RBFOX3: variants seen among roughly 807,000 people sequenced by gnomAD.
RBFOX3 encodes RNA binding protein fox-1 homolog 3.
In RBFOX3, 17 loss-of-function variants were observed where a neutral mutation model predicts 48.7. The observed-to-expected ratio is 0.35, with a 90% confidence interval of 0.24 to 0.52. RBFOX3 has a LOEUF of 0.52. Among genes scored for constraint, RBFOX3 ranks in the 20% least tolerant of loss-of-function variants. The pLI is 0.94. For synonymous variants in RBFOX3, 212 were observed against 209.5 expected, an observed-to-expected ratio of 1.01 and a Z score of -0.10; for missense variants, 382 against 497.5, an observed-to-expected ratio of 0.77 and a Z score of 2.21.
chr17:79,218,664 C>G (rs2059358716), intron 4 of RBFOX3, among the ~76,000 whole-genome samples: 1 of 152,122 alleles, frequency 6.6e-6, no homozygotes, highest in East Asian at 1.9e-4. Context: ...GGCCGGGAGC[C>G]GAGATGCAGG....
chr17:79,290,182 A>C (rs563079832), intron 3 of RBFOX3, among the ~76,000 whole-genome samples: 1 of 152,116 alleles, frequency 6.6e-6, no homozygotes, highest in Middle Eastern at 3.4e-3. Flanking sequence ...TGGAAGGGGA[A>C]CCTTCTCAAG....
rs200918742 is a variant in RBFOX3, at chr17:79,471,630, T to G, written c.-175+10824A>C. On this transcript the variant is annotated intron_variant, in intron 2 of 14. Transcript: ENST00000693108. The surrounding 1 kb of genome is among the most constrained non-coding windows in gnomAD (Gnocchi z 4.0). ...CGCACACACACCTGTCACCTCTCCG[T>G]GGACTGCAGTGTTTAAAAGACAGTC... is the stretch of plus-strand genomic sequence containing the variant. Among the ~76,000 whole-genome samples, 19,900 of 152,186 alleles carry G rather than the reference T, an allele frequency of 0.13. 1,631 individuals carry two copies. Among genetic ancestry groups the G allele is most frequent in the Middle Eastern group, 0.22 (64 of 294 alleles).
At chr17:79,236,504 T>A (rs1003781336) in intron 3 of RBFOX3, among the ~76,000 whole-genome samples, 2 of 152,120 alleles carry the variant, frequency 1.3e-5, no homozygotes, top group South Asian at 4.1e-4. Context: ...TTGCCCAGGG[T>A]GGTCTCAACC....
chr17:79,173,301 G>A (rs1045904175), intron 4 of RBFOX3, among the ~76,000 whole-genome samples: 23 of 152,186 alleles, frequency 1.5e-4, no homozygotes, highest in African/African-American at 2.7e-4. Flanking sequence ...ATTTGACAGC[G>A]TTGCTTTGGA....
intron 2 of RBFOX3, among the ~76,000 whole-genome samples, chr17:79,457,600 C>T (rs2149226191): frequency 6.6e-6 from 1 of 152,338 alleles, no homozygotes; most frequent in East Asian, 1.9e-4. Flanking sequence ...GGCGCCCTCT[C>T]TCCCCAGGAC....
At chr17:79,192,725 C>CT (rs2054771461) in intron 4 of RBFOX3, among the ~76,000 whole-genome samples, 1 of 152,214 alleles carries the variant, frequency 6.6e-6, no homozygotes, top group Non-Finnish European at 1.5e-5. Flanking sequence ...CCGTGGCTGC[C>CT]TACACCTCTG....
At chr17:79,107,388 T>C (rs566469667) in intron 5 of RBFOX3, among the ~76,000 whole-genome samples, 12 of 152,214 alleles carry the variant, frequency 7.9e-5, no homozygotes, top group Non-Finnish European at 1.3e-4. Flanking sequence ...CAGTCCTCTA[T>C]AGCCCCCATT....
chr17:79,282,173 G>A (rs2070711166), intron 3 of RBFOX3, among the ~76,000 whole-genome samples: 1 of 152,200 alleles, frequency 6.6e-6, no homozygotes, highest in Admixed American at 6.5e-5. Flanking sequence ...CACGGGATGG[G>A]CATGGGGAGC....
chr17:79,145,570 C>A (rs747421627), intron 4 of RBFOX3, among the ~76,000 whole-genome samples: 2 of 152,216 alleles, frequency 1.3e-5, no homozygotes, highest in African/African-American at 2.4e-5. Flanking sequence ...GAGGGGGCCC[C>A]GCCCCACCGC....
intron 3 of RBFOX3, among the ~76,000 whole-genome samples, chr17:79,281,490 G>A (rs1476479463): frequency 2.0e-5 from 3 of 152,154 alleles, no homozygotes; most frequent in Non-Finnish European, 4.4e-5. Flanking sequence ...AAGGAGCCAC[G>A]GGCTTGTGGG....
chr17:79,432,396 C>CG (rs1342800074), intron 2 of RBFOX3, among the ~76,000 whole-genome samples: 1 of 152,208 alleles, frequency 6.6e-6, no homozygotes, highest in African/African-American at 2.4e-5. Flanking sequence ...TTGGGCCAGG[C>CG]GGCAAAAGCC....
chr17:79,407,755 G>A (rs1193969815), intron 2 of RBFOX3, among the ~76,000 whole-genome samples: 1 of 152,158 alleles, frequency 6.6e-6, no homozygotes, highest in Non-Finnish European at 1.5e-5. Flanking sequence ...AGGTGGCTTG[G>A]GGGAAGGTGG....
chr17:79,477,425 G>C lies in RBFOX3; in HGVS notation c.-175+5029C>G, dbSNP rs565963444. 6.6e-6 allele frequency among the ~76,000 whole-genome samples: 1 copy of C among 151,772 alleles called. No homozygotes were observed. The highest frequency in any genetic ancestry group is 6.6e-5 in the Admixed American group (1 of 15,212). On this transcript the variant is annotated intron_variant, in intron 2 of 14. Coordinates refer to ENST00000693108, the MANE Select transcript of RBFOX3 (RefSeq NM_001350451.2). This position sits in a 1 kb window ranked among gnomAD's most constrained non-coding sequence, Gnocchi z 4.8. Reference sequence around the variant, plus strand: ...CAAAACATTAGCCAGACGTGGTGGCGGGCGCCTGTAGTCCCAGCTACTTGG... The same window carrying C: ...CAAAACATTAGCCAGACGTGGTGGCCGGCGCCTGTAGTCCCAGCTACTTGG...
At position 79,212,303 on chromosome 17, in the gene RBFOX3, G is replaced by C. The variant is rs766164895; in HGVS notation, c.-34+23463C>G. ...AGGGCTGCTCCGCCTGGGCTCCTACGTGACTCCTTTCTCCTCCTCCCCTCC... is the reference window on the plus strand; with the variant it reads ...AGGGCTGCTCCGCCTGGGCTCCTACCTGACTCCTTTCTCCTCCTCCCCTCC... On this transcript the variant is annotated intron_variant, in intron 4 of 14. Transcript: ENST00000693108. This position sits in a 1 kb window ranked among gnomAD's most constrained non-coding sequence, Gnocchi z 4.7. 7.2e-5 allele frequency among the ~76,000 whole-genome samples: 11 copies of C among 152,078 alleles called. No individual in the cohort carries two copies. The highest frequency in any genetic ancestry group is 2.7e-4 in the African/African-American group (11 of 41,406).
At chr17:79,664,014 G>C in the RBFOX3 span, among the ~76,000 whole-genome samples, 1 of 152,112 alleles carries the variant, frequency 6.6e-6, no homozygotes, top group Non-Finnish European at 1.5e-5. Flanking sequence ...CGACGAGCAG[G>C]CCTCGCCAGC....
intron 2 of RBFOX3, among the ~76,000 whole-genome samples, chr17:79,403,657 G>A (rs1361403956): frequency 6.6e-6 from 1 of 152,148 alleles, no homozygotes; most frequent in Non-Finnish European, 1.5e-5. Context: ...GGCAGGGCGG[G>A]GCTTGTTCCC....
intron 3 of RBFOX3, among the ~76,000 whole-genome samples, chr17:79,258,254 T>C (rs1232031695): frequency 6.6e-6 from 1 of 152,200 alleles, no homozygotes; most frequent in East Asian, 1.9e-4. Flanking sequence ...AGCACCACAC[T>C]GACAGGCAGT....
intron 2 of RBFOX3, among the ~76,000 whole-genome samples, chr17:79,448,859 A>G (rs2072896027): frequency 6.6e-6 from 1 of 152,164 alleles, no homozygotes; most frequent in South Asian, 2.1e-4. Context: ...ATGAAGGGAA[A>G]ACAGCCCCCA....
At chr17:79,259,847 C>T (rs1026382544) in intron 3 of RBFOX3, among the ~76,000 whole-genome samples, 10 of 152,174 alleles carry the variant, frequency 6.6e-5, no homozygotes, top group Non-Finnish European at 1.3e-4. Context: ...TTCCCTCTCT[C>T]TCTCCTCCCT....
Sources: allele counts gnomAD v4.1 joint callset (sites outside exome capture counted in the v4.1 genomes callset), GRCh38; gene constraint gnomAD v4.1.1; non-coding constraint Gnocchi (gnomAD v3.1); transcripts MANE v1.5; gene names NCBI Gene and HGNC (gene_info 2026-07-23, HGNC 2026-07-21).